The following RSU1 variants were observed in gnomAD, a reference collection of about 807,000 sequenced individuals.
The protein encoded by RSU1 is Ras suppressor protein 1, also known as rsu-1.
In RSU1, 26 loss-of-function variants were observed where a neutral mutation model predicts 31.1. The observed-to-expected ratio is 0.84, with a 90% CI of 0.61 to 1.16. RSU1 has a LOEUF of 1.16. RSU1 is among the 50% of genes most tolerant of loss of function. The pLI, the probability that RSU1 is intolerant of heterozygous loss-of-function variation, is 0.00. For missense variants in RSU1, 320 were observed against 339.1 expected (o/e 0.94, Z 0.44); for synonymous variants, 164 against 136.3 (o/e 1.20, Z -1.41).
chr10:16,698,783 T>C (rs1835730232), intron 7 of RSU1, among the ~76,000 whole-genome samples: 2 of 152,052 alleles, frequency 1.3e-5, no homozygotes, highest in South Asian at 4.1e-4. Flanking sequence ...CAAGTCAGAG[T>C]TAACAGAAAG....
At position 16,695,013 on chromosome 10, in the gene RSU1, G is replaced by A. The variant is rs774568581; in HGVS notation, c.731+10C>T. 1.9e-6 allele frequency: 3 copies of A among 1,601,476 alleles called. No homozygotes were observed. The highest frequency in any genetic ancestry group is 2.2e-5 in the East Asian group (1 of 44,820). On this transcript the variant is annotated intron_variant, in intron 8 of 8. Coordinates refer to ENST00000345264, the MANE Select transcript of RSU1 (RefSeq NM_012425.4). The stretch of plus-strand genomic sequence containing the variant: ...CAGTCTACTATTTCAGAAAATCAGA[G>A]TCTACTTACTATTTGTATGTCTCAG...
chr10:16,785,750 C>G (rs1837779013), intron 2 of RSU1, among the ~76,000 whole-genome samples: 1 of 151,284 alleles, frequency 6.6e-6, no homozygotes, highest in African/African-American at 2.4e-5. Context: ...GGCACCCTAC[C>G]TAGGACACAC....
At chr10:16,613,596 C>T (rs1302767256) in intron 8 of RSU1, among the ~76,000 whole-genome samples, 1 of 152,208 alleles carries the variant, frequency 6.6e-6, no homozygotes, top group Non-Finnish European at 1.5e-5. Context: ...CATCAAGAAT[C>T]TGGGCTTGCC....
At chr10:16,775,056 A>G (rs149815015) in intron 3 of RSU1, among the ~76,000 whole-genome samples, 92 of 152,264 alleles carry the variant, frequency 6.0e-4, no homozygotes, top group Middle Eastern at 3.4e-3. Context: ...ATAAAAACAT[A>G]AAAAAAGAGA....
intron 7 of RSU1, among the ~76,000 whole-genome samples, chr10:16,712,223 A>T (rs1038610126): frequency 1.3e-5 from 2 of 152,068 alleles, no homozygotes; most frequent in Non-Finnish European, 2.9e-5. Flanking sequence ...GTTTGTCTTT[A>T]ATGATGATGT....
intron 8 of RSU1, among the ~76,000 whole-genome samples, chr10:16,606,799 T>C (rs1833812454): frequency 6.6e-6 from 1 of 152,206 alleles, no homozygotes; most frequent in Non-Finnish European, 1.5e-5. Flanking sequence ...TTTCTCTTGT[T>C]TTACGATAAG....
At chr10:16,718,751 C>T (rs1464748973) in intron 7 of RSU1, among the ~76,000 whole-genome samples, 2 of 152,042 alleles carry the variant, frequency 1.3e-5, no homozygotes, top group Non-Finnish European at 2.9e-5. Flanking sequence ...GAGGCTGAGG[C>T]GGGCAGATCA....
At chr10:16,707,522 G>C (rs1277447316) in intron 7 of RSU1, among the ~76,000 whole-genome samples, 1 of 149,470 alleles carries the variant, frequency 6.7e-6, no homozygotes, top group African/African-American at 2.5e-5. Context: ...CTGTATGTCT[G>C]CTTTGGACAC....
rs1199630008 is a variant in RSU1 at position 16,721,245 on chromosome 10, TA to T, written c.599-26091del. 5.9e-5 allele frequency: 9 copies of T among 152,110 alleles called. 1 individual carries two copies. Among genetic ancestry groups the T allele is most frequent in the Admixed American group, 5.9e-4 (9 of 15,244 alleles). The allele number at this position is 152,110 out of a possible 1,614,324, so 9.4% of individuals were successfully genotyped here. A position where few individuals can be genotyped will look rare whatever the true frequency, so the allele number is the denominator to read the frequency against. On this transcript the variant is annotated intron_variant, in intron 7 of 8. Coordinates refer to ENST00000345264, the MANE Select transcript of RSU1 (RefSeq NM_012425.4). Reference sequence around the variant, plus strand: ...GGAATGACTTTCTGGAGGAGATGCTTAACCAGATCATAGTGAATACAGCAGA... The same window carrying T: ...GGAATGACTTTCTGGAGGAGATGCTTACCAGATCATAGTGAATACAGCAGA...
intron 2 of RSU1, among the ~76,000 whole-genome samples, chr10:16,810,775 C>T (rs1464680080): frequency 2.0e-5 from 3 of 152,160 alleles, no homozygotes; most frequent in Admixed American, 1.3e-4. Context: ...AACAATGAAC[C>T]ACCCGGGAGG....
chr10:16,663,796 C>G (rs1272628338), intron 8 of RSU1, among the ~76,000 whole-genome samples: 2 of 152,190 alleles, frequency 1.3e-5, no homozygotes, highest in Non-Finnish European at 2.9e-5. Context: ...AAAACTGTGG[C>G]TGAGCCAGAA....
intron 8 of RSU1, among the ~76,000 whole-genome samples, chr10:16,617,642 T>C (rs985174638): frequency 6.6e-6 from 1 of 152,076 alleles, no homozygotes; most frequent in African/African-American, 2.4e-5. Flanking sequence ...AACAGATATA[T>C]AGACCAATAG....
At chr10:16,769,609 A>G (rs1032076715) in intron 3 of RSU1, among the ~76,000 whole-genome samples, 3 of 152,242 alleles carry the variant, frequency 2.0e-5, no homozygotes, top group African/African-American at 7.2e-5. Flanking sequence ...GGTTTAGGGT[A>G]AAGCCTGAGA....
rs190676802 is a variant in RSU1 at position 16,719,883 on chromosome 10, C to T, written c.599-24728G>A. Among the ~76,000 whole-genome samples, 831 of 152,324 alleles carry T rather than the reference C, an allele frequency of 5.5e-3. 3 individuals carry two copies. Among genetic ancestry groups the T allele is most frequent in the Non-Finnish European group, 6.9e-3 (467 of 68,034 alleles). ...ATATCTAACAATTCAAGATTGGGGA[C>T]AATGCTTTCTGCATATATACACCAG... On this transcript the variant is annotated intron_variant, in intron 7 of 8. Coordinates refer to ENST00000345264, the MANE Select transcript of RSU1 (RefSeq NM_012425.4).
intron 8 of RSU1, among the ~76,000 whole-genome samples, chr10:16,691,722 C>CTTTTTTTTTTTTTTTTT (rs58786188): frequency 2.8e-5 from 3 of 106,044 alleles, no homozygotes; most frequent in African/African-American, 3.7e-5. Flanking sequence ...GCTGCTGCTT[C>CTTTTTTTTTTTTTTTTT]TTTTTTTTTT....
chr10:16,692,978 T>C (rs546872402), intron 8 of RSU1, among the ~76,000 whole-genome samples: 22 of 152,318 alleles, frequency 1.4e-4, no homozygotes, highest in Admixed American at 3.9e-4. Context: ...TTTTCTTTTT[T>C]TTGGGATGGA....
At chr10:16,805,660 C>T (rs1196147517) in intron 2 of RSU1, among the ~76,000 whole-genome samples, 2 of 139,850 alleles carry the variant, frequency 1.4e-5, no homozygotes, top group Admixed American at 7.2e-5. Context: ...GAGCGAGACT[C>T]CGTCTCAAAA....
chr10:16,673,867 A>G (rs1482301243), intron 8 of RSU1, among the ~76,000 whole-genome samples: 1 of 152,136 alleles, frequency 6.6e-6, no homozygotes, highest in African/African-American at 2.4e-5. Context: ...CACATATTTT[A>G]AGGGCTGGGA....
intron 8 of RSU1, among the ~76,000 whole-genome samples, chr10:16,637,751 C>T (rs1834370287): frequency 6.6e-6 from 1 of 151,794 alleles, no homozygotes; most frequent in African/African-American, 2.4e-5. Context: ...ACTAGTAAAG[C>T]CACTTAAAAT....
Sources: allele counts gnomAD v4.1 joint callset (sites outside exome capture counted in the v4.1 genomes callset), GRCh38; gene constraint gnomAD v4.1.1; transcripts MANE v1.5; gene names NCBI Gene and HGNC (gene_info 2026-07-23, HGNC 2026-07-21).